The following PMPCB variants were observed in gnomAD, a reference collection of about 807,000 sequenced individuals.
The protein encoded by PMPCB is peptidase, mitochondrial processing subunit beta, also known as mitochondrial-processing peptidase subunit beta.
PMPCB carries 46 observed loss-of-function variants against 61.5 expected under a neutral mutation model. The ratio of observed to expected loss-of-function variants is 0.75; its 90% confidence interval spans 0.59 to 0.96. PMPCB has a LOEUF of 0.96. Ranked by LOEUF, PMPCB falls within the 40% of genes least tolerant of loss-of-function variation. PMPCB has a pLI of 0.00. For missense variants in PMPCB, 590 were observed against 602.4 expected, an observed-to-expected ratio of 0.98 and a Z score of 0.22; for synonymous variants, 191 against 201.6, an observed-to-expected ratio of 0.95 and a Z score of 0.44.
chr7:103,331,586 C>G (rs978595618), downstream of PMPCB, among the ~76,000 whole-genome samples: 2 of 152,224 alleles, frequency 1.3e-5, no homozygotes, highest in Admixed American at 6.5e-5. Flanking sequence ...TAAGCTCCCA[C>G]TGTTCTCAAG....
intron 6 of PMPCB, among the ~76,000 whole-genome samples, chr7:103,306,261 A>C (rs1238619645): frequency 6.6e-6 from 1 of 152,158 alleles, no homozygotes; most frequent in Non-Finnish European, 1.5e-5. Flanking sequence ...AAATTAAGTT[A>C]AAGAATCTTA....
chr7:103,326,911 A>G (rs1332278744), intron 12 of PMPCB, among the ~76,000 whole-genome samples: 1 of 152,230 alleles, frequency 6.6e-6, no homozygotes. Context: ...TGACAAAACA[A>G]TAAATATCAC....
chr7:103,315,742 C>T (rs770843439), downstream of PMPCB: 10 of 1,530,154 alleles, frequency 6.5e-6, no homozygotes, highest in African/African-American at 8.2e-5. Context: ...GCATTTTCTA[C>T]GTTTAGAAAA....
downstream of PMPCB, chr7:103,316,867 T>A (rs754758834): frequency 6.2e-7 from 1 of 1,614,056 alleles, no homozygotes; most frequent in South Asian, 1.1e-5. Context: ...TTCACAGCTT[T>A]AATTAGTAAT....
intron 12 of PMPCB, chr7:103,322,359 C>G: frequency 1.1e-6 from 1 of 884,504 alleles, no homozygotes; most frequent in Non-Finnish European, 1.6e-6. Flanking sequence ...GAAGATCTCT[C>G]AATTATACCA....
chr7:103,314,184 C>T lies in PMPCB; in HGVS notation c.*1913C>T. ...GAATTTCCTTGTATTGGTTTAAAGC[C>T]CTAAATACCATAGATTTTATTTCCT... On this transcript the variant is annotated 3_prime_UTR_variant, in exon 13 of 13. Transcript: ENST00000249269. 1.0e-6 allele frequency: 1 copy of T among 985,214 alleles called. No homozygotes were observed. Among genetic ancestry groups the T allele is most frequent in the Non-Finnish European group, 1.2e-6 (1 of 829,856 alleles). The allele number at this position is 985,214 out of a possible 1,614,324, so 61.0% of individuals were successfully genotyped here.
rs1371176937 is a variant in PMPCB, at chr7:103,313,630, G to GAGATT, written c.*1365_*1369dup. 5.1e-6 allele frequency: 5 copies of GAGATT among 985,266 alleles called. No individual in the cohort carries two copies. In the African/African-American group the frequency reaches 8.7e-5, roughly 17 times the overall value. 61.0% of individuals were successfully genotyped at this position (985,266 alleles called of 1,614,324 possible). On this transcript the variant is annotated 3_prime_UTR_variant, in exon 13 of 13. Transcript: ENST00000249269. ...GGTACCAGTGCTGGAGAGGCAAGCT[G>GAGATT]AGATTAGATTGTGTTGTAGTGTGGT...
At chr7:103,309,446 G>A (rs1045561547) in intron 8 of PMPCB, among the ~76,000 whole-genome samples, 3 of 152,134 alleles carry the variant, frequency 2.0e-5, no homozygotes, top group Non-Finnish European at 1.5e-5. Context: ...GGGAACAAAT[G>A]GATGGTTGCA....
At chr7:103,320,000 C>T (rs922030299) in intron 12 of PMPCB, among the ~76,000 whole-genome samples, 5 of 152,188 alleles carry the variant, frequency 3.3e-5, no homozygotes, top group African/African-American at 9.7e-5. Context: ...CGCCACTGCA[C>T]TCCAGCCTGG....
the PMPCB span, chr7:103,337,788 A>G: frequency 6.2e-7 from 1 of 1,613,858 alleles, no homozygotes; most frequent in African/African-American, 1.3e-5. Context: ...GGCCAAGTCC[A>G]AGAACTGCAT....
At position 103,328,913 on chromosome 7, in the gene PMPCB, A is replaced by G. The variant is rs369100548; in HGVS notation, c.*1432-18A>G. Reference sequence around the variant, plus strand: ...TAAATGTAAGTGTTTTTCCTTATTTAGGATTCTTTCTTCTTAGGATATAAT... The same window carrying G: ...TAAATGTAAGTGTTTTTCCTTATTTGGGATTCTTTCTTCTTAGGATATAAT... On this transcript the variant is annotated intron_variant and NMD_transcript_variant, in intron 12 of 12. Transcript: ENST00000444457. 7.2e-6 allele frequency: 6 copies of G among 828,910 alleles called. No individual in the cohort carries two copies. The East Asian group carries it at 3.3e-4, about 46-fold the overall frequency. The allele number at this position is 828,910 out of a possible 1,614,324, so 51.3% of individuals were successfully genotyped here. A position where few individuals can be genotyped will look rare whatever the true frequency, so the allele number is the denominator to read the frequency against.
At chr7:103,298,468 A>G in intron 1 of PMPCB, 100 bp from the exon 2 acceptor site, 1 of 1,174,130 alleles carries the variant, frequency 8.5e-7, no homozygotes, top group Non-Finnish European at 1.2e-6. Context: ...TCTTTTATAG[A>G]GACAGCCTAT....
intron 8 of PMPCB, 74 bp from the exon 9 acceptor site, chr7:103,310,240 CA>C: frequency 9.0e-7 from 1 of 1,114,970 alleles, no homozygotes; most frequent in Non-Finnish European, 1.3e-6. Flanking sequence ...CACTATTTTC[CA>C]CACACTCCAT....
the PMPCB span, among the ~76,000 whole-genome samples, chr7:103,340,883 C>T: frequency 3.3e-5 from 5 of 152,268 alleles, no homozygotes; most frequent in African/African-American, 1.2e-4. Context: ...GGTACCAAAA[C>T]CTCAGTCTTC....
downstream of PMPCB, among the ~76,000 whole-genome samples, chr7:103,331,749 T>C (rs554589362): frequency 6.6e-6 from 1 of 152,316 alleles, no homozygotes; most frequent in South Asian, 2.1e-4. Context: ...TATCAACTAG[T>C]CTGCTGATGG....
At chr7:103,309,480 T>C (rs1817678734) in intron 8 of PMPCB, among the ~76,000 whole-genome samples, 2 of 151,986 alleles carry the variant, frequency 1.3e-5, no homozygotes, top group African/African-American at 4.8e-5. Flanking sequence ...TGTATGGACT[T>C]TTTTTTTGGT....
chr7:103,314,395 A>G lies in PMPCB; in HGVS notation c.*2124A>G, dbSNP rs992143936. On this transcript the variant is annotated 3_prime_UTR_variant, in exon 13 of 13. Coordinates refer to ENST00000249269, the MANE Select transcript of PMPCB (RefSeq NM_004279.3). ...GAAGGAGCCTTCCCATTTCCATAAA[A>G]GAGGCAAAGGAGTCATACCCACATA... 16 of 985,302 alleles carry G rather than the reference A, an allele frequency of 1.6e-5. No homozygotes were observed. The highest frequency in any genetic ancestry group is 1.8e-5 in the Non-Finnish European group (15 of 829,932). 61.0% of individuals were successfully genotyped at this position (985,302 alleles called of 1,614,324 possible). A position where few individuals can be genotyped will look rare whatever the true frequency, so the allele number is the denominator to read the frequency against.
the PMPCB span, chr7:103,335,295 T>G: frequency 2.0e-5 from 3 of 152,238 alleles, no homozygotes; most frequent in African/African-American, 7.2e-5. Flanking sequence ...TTGCAAACAG[T>G]AACTTTGCAT....
chr7:103,328,636 G>A (rs1457138070), intron 12 of PMPCB, among the ~76,000 whole-genome samples: 1 of 151,814 alleles, frequency 6.6e-6, no homozygotes, highest in Non-Finnish European at 1.5e-5. Flanking sequence ...GTGTCAAAAA[G>A]AAGAAGAAGA....
Sources: allele counts gnomAD v4.1 joint callset (sites outside exome capture counted in the v4.1 genomes callset), GRCh38; gene constraint gnomAD v4.1.1; transcripts MANE v1.5; gene names NCBI Gene and HGNC (gene_info 2026-07-23, HGNC 2026-07-21).